TSHZ3: variants seen among roughly 807,000 people sequenced by gnomAD.
TSHZ3 encodes teashirt homolog 3.
In TSHZ3, 10 loss-of-function variants were observed where a neutral mutation model predicts 64.5. The ratio of observed to expected loss-of-function variants is 0.16; its 90% confidence interval spans 0.10 to 0.26. The LOEUF (loss-of-function observed/expected upper bound fraction) is 0.26. Among genes scored for constraint, TSHZ3 ranks in the 10% least tolerant of loss-of-function variants. The pLI is 1.00. For missense variants in TSHZ3, 1,242 were observed against 1,421.7 expected (o/e 0.87, Z 2.03); for synonymous variants, 608 against 593.1 (o/e 1.03, Z -0.36).
chr19:31,324,182 C>T (rs1916865978), intron 1 of TSHZ3, among the ~76,000 whole-genome samples: 2 of 152,152 alleles, frequency 1.3e-5, no homozygotes, highest in Non-Finnish European at 2.9e-5. Context: ...GAGAGGCAAC[C>T]AAGGTTGTTT....
At chr19:31,296,404 G>A (rs553712964) in intron 1 of TSHZ3, among the ~76,000 whole-genome samples, 72 of 145,454 alleles carry the variant, frequency 5.0e-4, no homozygotes, top group African/African-American at 1.7e-3. Flanking sequence ...GTGTGATCTC[G>A]GCTCACTGCA....
chr19:31,164,260 C>T (rs967012307), intron 5 of TSHZ3, among the ~76,000 whole-genome samples: 2 of 152,150 alleles, frequency 1.3e-5, no homozygotes, highest in South Asian at 2.1e-4. Context: ...AAGCTGAATG[C>T]CCCGCTGTTC....
chr19:31,308,442 C>T lies in TSHZ3; in HGVS notation c.41-28690G>A, dbSNP rs116708291. ...CCGACAGGCAAAATAGAGACAGCTCCGGTGTCATCGCCAGGGAGCCCACAG... is the reference window on the plus strand; with the variant it reads ...CCGACAGGCAAAATAGAGACAGCTCTGGTGTCATCGCCAGGGAGCCCACAG... On this transcript the variant is annotated intron_variant, in intron 1 of 1. Coordinates refer to ENST00000240587, the MANE Select transcript of TSHZ3 (RefSeq NM_020856.4). The T allele has an allele frequency of 2.0e-3, 774 of 389,292 alleles. 7 individuals carry two copies. The highest frequency in any genetic ancestry group is 0.014 in the African/African-American group (677 of 48,544). 24.1% of individuals were successfully genotyped at this position (389,292 alleles called of 1,614,324 possible).
chr19:31,265,434 AAAAAGAAAAG>A (rs112866245), intron 1 of TSHZ3, among the ~76,000 whole-genome samples: 10 of 150,506 alleles, frequency 6.6e-5, no homozygotes, highest in Admixed American at 2.0e-4. Flanking sequence ...AGAAAGAAAG[AAAAAGAAAAG>A]AAAAGAAAAG....
intron 1 of TSHZ3, among the ~76,000 whole-genome samples, chr19:31,247,781 T>C (rs1436411292): frequency 6.6e-6 from 1 of 152,074 alleles, no homozygotes; most frequent in Non-Finnish European, 1.5e-5. Flanking sequence ...TATTCATGGG[T>C]GAAAGAGCAT....
At chr19:31,255,069 G>A (rs1334488807) in intron 1 of TSHZ3, among the ~76,000 whole-genome samples, 4 of 152,200 alleles carry the variant, frequency 2.6e-5, no homozygotes, top group Non-Finnish European at 5.9e-5. Flanking sequence ...ACTCTGATCA[G>A]ACAAAGAATC....
rs987729828 is a variant in TSHZ3, at chr19:31,188,118, T to C, written n.809+16838A>G. Reference sequence around the variant, plus strand: ...TTTGTACTTTTCAGTATAGAAGCCATACATATATTTTCTTAAGTATTTTTA... The same window carrying C: ...TTTGTACTTTTCAGTATAGAAGCCACACATATATTTTCTTAAGTATTTTTA... On this transcript the variant is annotated intron_variant and non_coding_transcript_variant, in intron 5 of 6. Transcript: ENST00000651361. 2.6e-5 allele frequency among the ~76,000 whole-genome samples: 4 copies of C among 151,764 alleles called. No homozygotes were observed. In the East Asian group the frequency reaches 7.7e-4, roughly 29 times the overall value.
intron 5 of TSHZ3, among the ~76,000 whole-genome samples, chr19:31,165,726 G>A (rs547662717): frequency 4.9e-4 from 75 of 152,182 alleles, no homozygotes; most frequent in African/African-American, 1.7e-3. Flanking sequence ...GAAAAATCCA[G>A]GCCATAACAA....
At chr19:31,293,054 C>T (rs890307505) in intron 1 of TSHZ3, among the ~76,000 whole-genome samples, 1 of 148,700 alleles carries the variant, frequency 6.7e-6, no homozygotes, top group Middle Eastern at 3.4e-3. Context: ...TCCATCCATC[C>T]AAAAATGTAT....
chr19:31,344,591 G>GGCCTGCCT (rs1158105452), intron 1 of TSHZ3, among the ~76,000 whole-genome samples: 2 of 152,184 alleles, frequency 1.3e-5, no homozygotes, highest in African/African-American at 2.4e-5. Context: ...CCTCCCCGCG[G>GGCCTGCCT]GCCTGCCTGC....
chr19:31,311,881 G>A (rs542400619), intron 1 of TSHZ3, among the ~76,000 whole-genome samples: 12 of 152,028 alleles, frequency 7.9e-5, no homozygotes, highest in Non-Finnish European at 1.2e-4. Context: ...GCGCCACCAC[G>A]CCTGGCAAAT....
At chr19:31,340,336 T>A (rs1174037650) in intron 1 of TSHZ3, among the ~76,000 whole-genome samples, 2 of 9,484 alleles carry the variant, frequency 2.1e-4, no homozygotes, top group African/African-American at 5.1e-4. Context: ...AGGCCTACAG[T>A]ACAAAAAAAA....
chr19:31,229,017 C>T (rs1478774881), intron 3 of TSHZ3, among the ~76,000 whole-genome samples: 3 of 152,246 alleles, frequency 2.0e-5, no homozygotes, highest in African/African-American at 4.8e-5. Context: ...GGGATGCTGT[C>T]CTGACCCAGT....
intron 3 of TSHZ3, among the ~76,000 whole-genome samples, chr19:31,232,734 T>C (rs1975557455): frequency 6.6e-6 from 1 of 152,206 alleles, no homozygotes; most frequent in South Asian, 2.1e-4. Flanking sequence ...CTGCTCCAGT[T>C]AACCGCTGGC....
chr19:31,235,582 C>CT (rs1484582273), intron 3 of TSHZ3, among the ~76,000 whole-genome samples: 2 of 140,770 alleles, frequency 1.4e-5, no homozygotes, highest in African/African-American at 5.7e-5. Flanking sequence ...CTTTCCTTCT[C>CT]TTTTTTCTTT....
intron 1 of TSHZ3, among the ~76,000 whole-genome samples, chr19:31,302,645 AC>A (rs1461186591): frequency 2.0e-5 from 3 of 152,194 alleles, no homozygotes; most frequent in African/African-American, 7.2e-5. Context: ...ATACTTAAAA[AC>A]TACACACATA....
chr19:31,277,504 C>A lies in TSHZ3; in HGVS notation c.2289G>T (p.Val763=). The A allele has an allele frequency of 6.2e-7, 1 of 1,607,436 alleles. No individual in the cohort carries two copies. The highest frequency in any genetic ancestry group is 1.1e-5 in the South Asian group (1 of 90,460). ...TGGACTGCAGGGGCGGCGGGGTGGC[C>A]ACAGCAGCCTTCTCCGCCAGGCTGT... The part of the protein sequence containing the change: ...MSNSLAEKAA[V]ATPPPLQSKK... Residue 763 remains valine (V), a synonymous_variant, in exon 2 of 2, where the codon GTG becomes GTT. Transcript: ENST00000240587. The surrounding 1 kb of genome is among the most constrained non-coding windows in gnomAD (Gnocchi z 4.5).
At chr19:31,191,416 T>G (rs1333507471) in intron 5 of TSHZ3, among the ~76,000 whole-genome samples, 1 of 152,080 alleles carries the variant, frequency 6.6e-6, no homozygotes, top group Non-Finnish European at 1.5e-5. Flanking sequence ...TAAAAATAAG[T>G]CAACCTAGAA....
At chr19:31,202,541 A>G (rs533924830) in intron 5 of TSHZ3, among the ~76,000 whole-genome samples, 2 of 152,316 alleles carry the variant, frequency 1.3e-5, no homozygotes, top group East Asian at 3.9e-4. Flanking sequence ...TGTGCAGACC[A>G]TAATTTTTTA....
Sources: gnomAD v4.1 joint callset for allele counts (sites outside exome capture counted in the v4.1 genomes callset) on GRCh38, gnomAD v4.1.1 for gene constraint, Gnocchi (gnomAD v3.1) non-coding constraint, MANE v1.5 for transcripts, NCBI Gene and HGNC (gene_info 2026-07-23, HGNC 2026-07-21) for gene names.